SYNPR: variants seen among roughly 807,000 people sequenced by gnomAD.
The protein encoded by SYNPR is synaptoporin.
SYNPR carries 23 observed loss-of-function variants against 32.9 expected under a neutral mutation model. The ratio of observed to expected loss-of-function variants is 0.70; its 90% CI spans 0.50 to 0.99. SYNPR has a LOEUF of 0.99. SYNPR is among the 50% of genes least tolerant of loss of function. The probability of loss-of-function intolerance (pLI) is 0.00; values close to 1 mark genes in which losing one functional copy is unlikely to be tolerated. For synonymous variants in SYNPR, 146 were observed against 135.9 expected, an observed-to-expected ratio of 1.07 and a Z score of -0.52; for missense variants, 318 against 349.3, an observed-to-expected ratio of 0.91 and a Z score of 0.71.
chr3:63,376,465 C>G (rs764081050), intron 2 of SYNPR, among the ~76,000 whole-genome samples: 1 of 152,134 alleles, frequency 6.6e-6, no homozygotes, highest in Non-Finnish European at 1.5e-5. Flanking sequence ...CTCTACCTCA[C>G]TATAGGCTTC....
intron 2 of SYNPR, among the ~76,000 whole-genome samples, chr3:63,290,778 T>A (rs187413316): frequency 6.6e-6 from 1 of 152,332 alleles, no homozygotes; most frequent in Non-Finnish European, 1.5e-5. Context: ...CCATTGTGTG[T>A]GTGTGAGTCG....
intron 3 of SYNPR, among the ~76,000 whole-genome samples, chr3:63,508,122 G>A (rs1701625136): frequency 6.6e-6 from 1 of 152,036 alleles, no homozygotes; most frequent in Non-Finnish European, 1.5e-5. Context: ...GCCACATGTG[G>A]CTAGTGGCTA....
At chr3:63,596,781 G>T (rs887502140) in intron 4 of SYNPR, among the ~76,000 whole-genome samples, 19 of 152,150 alleles carry the variant, frequency 1.2e-4, no homozygotes, top group African/African-American at 2.9e-4. Flanking sequence ...TGGCATTAAT[G>T]AACCCAAACA....
intron 2 of SYNPR, among the ~76,000 whole-genome samples, chr3:63,452,811 T>C (rs979268803): frequency 8.5e-5 from 13 of 152,172 alleles, no homozygotes; most frequent in African/African-American, 3.1e-4. Flanking sequence ...CTGTGAAAAG[T>C]TGACATTAAA....
At chr3:63,545,197 GA>G (rs764617163) in intron 3 of SYNPR, among the ~76,000 whole-genome samples, 1 of 152,062 alleles carries the variant, frequency 6.6e-6, no homozygotes, top group Non-Finnish European at 1.5e-5. Flanking sequence ...TGGGTAGAGG[GA>G]GGAATTGTCA....
At chr3:63,280,640 A>G (rs551825223) in intron 2 of SYNPR, among the ~76,000 whole-genome samples, 2 of 152,130 alleles carry the variant, frequency 1.3e-5, no homozygotes, top group African/African-American at 4.8e-5. Context: ...CGTTCTTTGA[A>G]CTTCCACTAG....
At chr3:63,240,587 A>G (rs1376095535) in intron 1 of SYNPR, among the ~76,000 whole-genome samples, 1 of 152,080 alleles carries the variant, frequency 6.6e-6, no homozygotes, top group African/African-American at 2.4e-5. Context: ...GGATTGATAA[A>G]TGACAATTAC....
At chr3:63,286,849 T>C (rs914562657) in intron 2 of SYNPR, among the ~76,000 whole-genome samples, 2 of 152,182 alleles carry the variant, frequency 1.3e-5, no homozygotes, top group Non-Finnish European at 2.9e-5. Flanking sequence ...AAAAAGTGTT[T>C]AGCAAACTGT....
At chr3:63,538,664 G>T (rs1444350037) in intron 3 of SYNPR, among the ~76,000 whole-genome samples, 3 of 151,984 alleles carry the variant, frequency 2.0e-5, no homozygotes, top group African/African-American at 7.2e-5. Context: ...CCCACCATCA[G>T]CAAGAGAAGG....
At chr3:63,521,654 T>G (rs6804826) in intron 3 of SYNPR, among the ~76,000 whole-genome samples, 2 of 152,032 alleles carry the variant, frequency 1.3e-5, no homozygotes, top group East Asian at 3.9e-4. Context: ...CAGCCAATAC[T>G]CTGGAGGCAA....
At chr3:63,538,547 G>T (rs960913709) in intron 3 of SYNPR, among the ~76,000 whole-genome samples, 2 of 151,978 alleles carry the variant, frequency 1.3e-5, no homozygotes, top group Non-Finnish European at 2.9e-5. Flanking sequence ...TTTGGGCTTG[G>T]TAAGTGACTT....
chr3:63,319,304 T>C (rs1468537895), intron 2 of SYNPR, among the ~76,000 whole-genome samples: 1 of 152,064 alleles, frequency 6.6e-6, no homozygotes, highest in Non-Finnish European at 1.5e-5. Context: ...TATGACAATA[T>C]CAGACTATTT....
At chr3:63,485,800 T>C (rs555095584) in intron 3 of SYNPR, among the ~76,000 whole-genome samples, 5 of 152,324 alleles carry the variant, frequency 3.3e-5, no homozygotes, top group African/African-American at 1.2e-4. Flanking sequence ...TTTCAGTTTG[T>C]AAAAATCTTC....
chr3:63,564,753 A>G (rs1043413378), intron 4 of SYNPR, among the ~76,000 whole-genome samples: 3 of 152,212 alleles, frequency 2.0e-5, no homozygotes, highest in Non-Finnish European at 2.9e-5. Flanking sequence ...TTTAACGATT[A>G]GTGAATTCTT....
chr3:63,418,120 A>C (rs900297026), intron 2 of SYNPR, among the ~76,000 whole-genome samples: 2 of 152,160 alleles, frequency 1.3e-5, no homozygotes, highest in African/African-American at 4.8e-5. Context: ...AACAGCATCC[A>C]AGTCACCTCT....
At position 63,481,777 on chromosome 3, in the gene SYNPR, T is replaced by A. The variant is rs548719194; in HGVS notation, c.209+821T>A. On this transcript the variant is annotated intron_variant, in intron 3 of 5. Coordinates refer to ENST00000478300, the MANE Select transcript of SYNPR (RefSeq NM_001130003.2). ...AGCTCTGGACCAACCCATTGGCTTC[T>A]GGAGGAGAGTGGCCAAGCCAACGCA... 2.1e-4 allele frequency among the ~76,000 whole-genome samples: 32 copies of A among 152,280 alleles called. 1 individual carries two copies. The highest frequency in any genetic ancestry group is 6.8e-3 in the Middle Eastern group (2 of 294).
intron 3 of SYNPR, among the ~76,000 whole-genome samples, chr3:63,535,115 A>C (rs543206362): frequency 6.6e-6 from 1 of 152,330 alleles, no homozygotes; most frequent in African/African-American, 2.4e-5. Context: ...GCAGAATTAA[A>C]GTAAAGAAAA....
chr3:63,507,257 G>T (rs1168184106), intron 3 of SYNPR, among the ~76,000 whole-genome samples: 2 of 143,730 alleles, frequency 1.4e-5, no homozygotes, highest in Non-Finnish European at 1.6e-5. Context: ...AACCATATCT[G>T]CCCCAAATGT....
At chr3:63,218,441 C>G in the SYNPR span, among the ~76,000 whole-genome samples, 1 of 152,204 alleles carries the variant, frequency 6.6e-6, no homozygotes. Context: ...TGTTCTACTT[C>G]TTTGTGTCCT....
Sources: gnomAD v4.1 joint callset for allele counts (sites outside exome capture counted in the v4.1 genomes callset) on GRCh38, gnomAD v4.1.1 for gene constraint, MANE v1.5 for transcripts, NCBI Gene and HGNC (gene_info 2026-07-23, HGNC 2026-07-21) for gene names.